EPN1: variants seen among roughly 807,000 people sequenced by gnomAD.
EPN1 encodes the protein epsin 1, also known as epsin-1.
EPN1 carries 25 observed loss-of-function variants against 56.9 expected under a neutral mutation model. The observed-to-expected ratio is 0.44, with a 90% CI of 0.32 to 0.61. The LOEUF (loss-of-function observed/expected upper bound fraction) is 0.61, where lower values mean the gene tolerates loss of function less well. Among genes scored for constraint, EPN1 ranks in the 20% least tolerant of loss-of-function variants. The pLI, the probability that EPN1 is intolerant of heterozygous loss-of-function variation, is 0.05. For missense variants in EPN1, 785 were observed against 823.7 expected, an observed-to-expected ratio of 0.95 and a Z score of 0.58; for synonymous variants, 411 against 361.8, an observed-to-expected ratio of 1.14 and a Z score of -1.54.
In EPN1 at chr19:55,699,381, T is replaced by A. The variant is rs1987040768; in HGVS notation, c.*4025T>A. The A allele has an allele frequency of 6.6e-6, 1 of 152,138 alleles. No individual in the cohort carries two copies. Among genetic ancestry groups the A allele is most frequent in the Non-Finnish European group, 1.5e-5 (1 of 68,034 alleles). 9.4% of individuals were successfully genotyped at this position (152,138 alleles called of 1,614,324 possible). On this transcript the variant is annotated 3_prime_UTR_variant, in exon 11 of 11. Transcript: ENST00000270460. ...GAGCCATTGCGTCCGGCCAGAAATGTTTTATTTCTTGAGAACTTGTCTGTC... is the reference window on the plus strand; with the variant it reads ...GAGCCATTGCGTCCGGCCAGAAATGATTTATTTCTTGAGAACTTGTCTGTC...
intron 1 of EPN1, chr19:55,677,619 C>T: frequency 1.3e-6 from 2 of 1,551,604 alleles, no homozygotes; most frequent in Non-Finnish European, 1.7e-6. Flanking sequence ...ACCTGGCACA[C>T]AGCAGGGACC....
chr19:55,701,954 CCA>C lies in EPN1; in HGVS notation c.*6599_*6600del. On this transcript the variant is annotated 3_prime_UTR_variant, in exon 11 of 11. Coordinates refer to ENST00000270460, the MANE Select transcript of EPN1 (RefSeq NM_001130072.2). ...AGCAGAGTCTCTAGCAGCCCCCACCCCATTCTTTTTTTTTTTTTTTTTTTTGA... is the reference window on the plus strand; with the variant it reads ...AGCAGAGTCTCTAGCAGCCCCCACCCTTCTTTTTTTTTTTTTTTTTTTTGA... The C allele has an allele frequency of 8.3e-6, 1 of 121,208 alleles. No individual in the cohort carries two copies. Among genetic ancestry groups the C allele is most frequent in the African/African-American group, 3.8e-5 (1 of 26,082 alleles). 7.5% of individuals were successfully genotyped at this position (121,208 alleles called of 1,614,324 possible).
intron 3 of EPN1, 81 bp from the exon 4 acceptor site, chr19:55,688,789 G>A: frequency 6.5e-7 from 1 of 1,534,402 alleles, no homozygotes; most frequent in Non-Finnish European, 8.8e-7. Context: ...GGACACAGAA[G>A]CCCCCGTCTG....
chr19:55,686,198 G>A (rs1394172043), intron 3 of EPN1, among the ~76,000 whole-genome samples: 1 of 152,220 alleles, frequency 6.6e-6, no homozygotes, highest in Non-Finnish European at 1.5e-5. Context: ...TTGAAATAGT[G>A]CATCCCACAT....
At chr19:55,677,816 C>T (rs1985542165) in intron 1 of EPN1, 4 of 1,410,620 alleles carry the variant, frequency 2.8e-6, no homozygotes, top group Non-Finnish European at 3.7e-6. Context: ...CTGTGGATTC[C>T]TGCCCCCTCT....
Position 55,694,753 on chromosome 19 carries a change from T to C in EPN1, c.1292T>C (p.Val431Ala), listed in dbSNP as rs1986807796. The change falls in exon 10 of 11, where the codon GTG becomes GCG. Residue 431 changes from valine (V) to alanine (A), a missense_variant. This residue lies in a region of EPN1 where 650 missense variants were observed against 605.0 expected (regional missense o/e 1.07). Coordinates refer to ENST00000270460, the MANE Select transcript of EPN1 (RefSeq NM_001130072.2). The surrounding 1 kb of genome is among the most constrained non-coding windows in gnomAD (Gnocchi z 4.2). ...GAGCTGGAGCTGCTGGCAGGAGAGGTGCCGGCCCGAAGCCCTGGGGCGTTT... is the reference window on the plus strand; with the variant it reads ...GAGCTGGAGCTGCTGGCAGGAGAGGCGCCGGCCCGAAGCCCTGGGGCGTTT... ...AGELELLAGEVPARSPGAFDM... is the reference protein window; with the variant it reads ...AGELELLAGEAPARSPGAFDM... 2 of 1,583,888 alleles carry C rather than the reference T, an allele frequency of 1.3e-6. No individual in the cohort carries two copies. The highest frequency in any genetic ancestry group is 1.7e-6 in the Non-Finnish European group (2 of 1,162,822).
rs770922080 is a variant in EPN1 at position 55,695,122 on chromosome 19, GTGTC to G, written c.1523-24_1523-21del. On this transcript the variant is annotated intron_variant, in intron 10 of 10. Coordinates refer to ENST00000270460, the MANE Select transcript of EPN1 (RefSeq NM_001130072.2). The surrounding 1 kb of genome is among the most constrained non-coding windows in gnomAD (Gnocchi z 4.4). ...TGGGCTGCGCCACTGACTCCACTCC[GTGTC>G]TCTGGTTTACTCTTCCTGCAGGAGG... The G allele has an allele frequency of 2.5e-6, 4 of 1,613,374 alleles. No individual in the cohort carries two copies. In the African/African-American group the frequency reaches 5.3e-5, roughly 22 times the overall value.
At chr19:55,677,058 C>G (rs1600092717) in intron 1 of EPN1, 1 of 1,505,580 alleles carries the variant, frequency 6.6e-7, no homozygotes, top group East Asian at 2.5e-5. Context: ...GCCTGGCTTT[C>G]TGGCCTGAGG....
intron 2 of EPN1, among the ~76,000 whole-genome samples, chr19:55,683,842 C>T (rs1985990566): frequency 6.6e-6 from 1 of 152,220 alleles, no homozygotes; most frequent in African/African-American, 2.4e-5. Context: ...AAAGTCTGAC[C>T]CAGACTGAAG....
rs1987262971 is a variant in EPN1 at position 55,703,841 on chromosome 19, T to A, written c.*8485T>A. 1 of 152,224 alleles carries A rather than the reference T, an allele frequency of 6.6e-6. No homozygotes were observed. Among genetic ancestry groups the A allele is most frequent in the African/African-American group, 2.4e-5 (1 of 41,448 alleles). The allele number at this position is 152,224 out of a possible 1,614,324, so 9.4% of individuals were successfully genotyped here. A position where few individuals can be genotyped will look rare whatever the true frequency, so the allele number is the denominator to read the frequency against. ...GCGTGTGAGCGGCTACCGCGTGGGC[T>A]GGGATTGGAGGAAGCTGGAAAGCGC... On this transcript the variant is annotated 3_prime_UTR_variant, in exon 11 of 11. Coordinates refer to ENST00000270460, the MANE Select transcript of EPN1 (RefSeq NM_001130072.2).
At chr19:55,690,794 G>C (rs1389977888) in intron 6 of EPN1, among the ~76,000 whole-genome samples, 2 of 152,218 alleles carry the variant, frequency 1.3e-5, no homozygotes, top group Admixed American at 6.5e-5. Flanking sequence ...GCGGCAGACA[G>C]CTTGTGGCCA....
At chr19:55,693,988 G>C (rs549464669) in intron 9 of EPN1, 1 of 152,068 alleles carries the variant, frequency 6.6e-6, no homozygotes, top group Non-Finnish European at 1.5e-5. Flanking sequence ...GCTCGAGGTG[G>C]GTGGATCACC....
intron 3 of EPN1, among the ~76,000 whole-genome samples, chr19:55,686,075 C>T (rs1986150460): frequency 6.6e-6 from 1 of 152,214 alleles, no homozygotes; most frequent in African/African-American, 2.4e-5. Context: ...AAGGCCAGAG[C>T]CAGGGCCTGC....
At position 55,691,852 on chromosome 19, in the gene EPN1, C is replaced by T; in HGVS notation, c.861C>T (p.Pro287=). 1 of 1,605,002 alleles carries T rather than the reference C, an allele frequency of 6.2e-7. No homozygotes were observed. ...CAGCACCCATGGCTGCTGCCGTCCC[C>T]ACGGCTGCCCCCACCTCGGACCCCT... ...GGPAPMAAAV[P]TAAPTSDPWG... Residue 287 remains proline (P), a synonymous_variant, in exon 7 of 11, where the codon CCC becomes CCT. Transcript: ENST00000270460. The surrounding 1 kb of genome is among the most constrained non-coding windows in gnomAD (Gnocchi z 5.6).
chr19:55,681,248 G>A lies in EPN1; in HGVS notation c.228+2393G>A, dbSNP rs763751361. 5.3e-5 allele frequency among the ~76,000 whole-genome samples: 8 copies of A among 152,334 alleles called. No individual in the cohort carries two copies. In the Middle Eastern group the frequency reaches 0.01, roughly 194 times the overall value. On this transcript the variant is annotated intron_variant, in intron 2 of 10. Transcript: ENST00000270460. ...CCGGCGTTTATTTGGTACCTTGTAC[G>A]TGTAGCACACACAGGTTCTCATGAA...
chr19:55,694,961 C>T lies in EPN1; in HGVS notation c.1500C>T (p.Ala500=). The change falls in exon 10 of 11, where the codon GCC becomes GCT. Residue 500 remains alanine (A), a synonymous_variant. Coordinates refer to ENST00000270460, the MANE Select transcript of EPN1 (RefSeq NM_001130072.2). This position sits in a 1 kb window ranked among gnomAD's most constrained non-coding sequence, Gnocchi z 4.2. ...RPGPTPPGAK[A]SNPFLPGGGP... ...GCCCCACGCCGCCTGGAGCCAAGGC[C>T]TCCAACCCCTTCCTGCCAGGCGGTG... 1 of 1,557,226 alleles carries T rather than the reference C, an allele frequency of 6.4e-7. No homozygotes were observed. The highest frequency in any genetic ancestry group is 1.2e-5 in the South Asian group (1 of 84,978).
intron 3 of EPN1, among the ~76,000 whole-genome samples, chr19:55,688,291 C>T (rs1420163905): frequency 6.6e-6 from 1 of 152,036 alleles, no homozygotes; most frequent in African/African-American, 2.4e-5. Flanking sequence ...TCAGCAGCCT[C>T]CTGGAGGGTC....
rs61736526 is a variant in EPN1, at chr19:55,688,919, G to C, written c.528G>C (p.Ala176=). Residue 176 remains alanine (A), a synonymous_variant, in exon 4 of 11, where the codon GCG becomes GCC. Transcript: ENST00000270460. ...GSGPPPEAEQ[A]WPQSSGEEEL... ...GCCCCCCTCCCGAGGCGGAGCAGGC[G>C]TGGCCGCAGAGCAGCGGGGAGGAGG... The C allele has an allele frequency of 1.3e-6, 2 of 1,589,512 alleles. No homozygotes were observed. The highest frequency in any genetic ancestry group is 2.7e-5 in the African/African-American group (2 of 74,664).
rs1600119987 is a variant in EPN1 at position 55,708,774 on chromosome 19, G to T, written c.*13418G>T. ...CTGAATCACACTCCATAATCATATTGCTAGAACACTTAGGGAGTACCTCTG... is the reference window on the plus strand; with the variant it reads ...CTGAATCACACTCCATAATCATATTTCTAGAACACTTAGGGAGTACCTCTG... On this transcript the variant is annotated 3_prime_UTR_variant, in exon 11 of 11. Coordinates refer to ENST00000270460, the MANE Select transcript of EPN1 (RefSeq NM_001130072.2). 5.1e-6 allele frequency: 3 copies of T among 586,468 alleles called. No homozygotes were observed. Among genetic ancestry groups the T allele is most frequent in the South Asian group, 3.0e-5 (1 of 33,250 alleles). The allele number at this position is 586,468 out of a possible 1,614,324, so 36.3% of individuals were successfully genotyped here. A position where few individuals can be genotyped will look rare whatever the true frequency, so the allele number is the denominator to read the frequency against.
Sources: gnomAD v4.1 joint callset for allele counts (sites outside exome capture counted in the v4.1 genomes callset) on GRCh38, gnomAD v4.1.1 for gene constraint, gnomAD v4.1.1 regional missense constraint, Gnocchi (gnomAD v3.1) non-coding constraint, MANE v1.5 for transcripts, NCBI Gene and HGNC (gene_info 2026-07-23, HGNC 2026-07-21) for gene names.